TMEM117: variants seen among roughly 807,000 people sequenced by gnomAD.
TMEM117 encodes the protein transmembrane protein 117.
Under a neutral mutation model 52.4 loss-of-function variants are expected in TMEM117, and 27 were observed. That is an observed-to-expected ratio of 0.51 (90% CI 0.38 to 0.71). TMEM117 has a LOEUF of 0.71. Among genes scored for constraint, TMEM117 ranks in the 30% least tolerant of loss-of-function variants. The pLI, the probability that TMEM117 is intolerant of heterozygous loss-of-function variation, is 0.00. For missense variants in TMEM117, 556 were observed against 630.5 expected (o/e 0.88, Z 1.26); for synonymous variants, 215 against 206.3 (o/e 1.04, Z -0.36).
At chr12:44,049,019 A>G (rs1001152437) in intron 3 of TMEM117, among the ~76,000 whole-genome samples, 1 of 152,156 alleles carries the variant, frequency 6.6e-6, no homozygotes, top group Non-Finnish European at 1.5e-5. Context: ...TCCTAGTTTA[A>G]AAGGTGGTCA....
At chr12:44,086,401 G>A (rs1371423226) in intron 3 of TMEM117, among the ~76,000 whole-genome samples, 1 of 151,808 alleles carries the variant, frequency 6.6e-6, no homozygotes, top group East Asian at 1.9e-4. Context: ...TATTTTAGTA[G>A]AGATGGGGTT....
chr12:44,351,702 T>A (rs2138780750), intron 6 of TMEM117, among the ~76,000 whole-genome samples: 1 of 152,104 alleles, frequency 6.6e-6, no homozygotes, highest in South Asian at 2.1e-4. Context: ...GAAATCCGAT[T>A]TGAGTTGCAC....
chr12:43,934,704 G>A (rs992770402), intron 2 of TMEM117, among the ~76,000 whole-genome samples: 2 of 152,066 alleles, frequency 1.3e-5, no homozygotes, highest in South Asian at 2.1e-4. Flanking sequence ...CAAATTCAGT[G>A]AATAGCCGAC....
chr12:44,198,810 G>A (rs1203357654), intron 4 of TMEM117, among the ~76,000 whole-genome samples: 1 of 152,100 alleles, frequency 6.6e-6, no homozygotes, highest in African/African-American at 2.4e-5. Flanking sequence ...GGGCACCATA[G>A]TTTTCTTATC....
the TMEM117 span, among the ~76,000 whole-genome samples, chr12:43,813,678 A>G: frequency 1.3e-5 from 2 of 152,034 alleles, no homozygotes; most frequent in Admixed American, 1.3e-4. Flanking sequence ...CTACACTCTC[A>G]AAGAAGCTCA....
chr12:44,070,850 G>A (rs572061139), intron 3 of TMEM117, among the ~76,000 whole-genome samples: 1 of 152,270 alleles, frequency 6.6e-6, no homozygotes, highest in African/African-American at 2.4e-5. Flanking sequence ...TAGAGACTAT[G>A]ATTACTTTGT....
intron 3 of TMEM117, among the ~76,000 whole-genome samples, chr12:44,053,762 C>T (rs538036828): frequency 1.2e-4 from 18 of 152,226 alleles, no homozygotes; most frequent in African/African-American, 3.4e-4. Flanking sequence ...GCCAAGAACT[C>T]GGGACAAAGG....
At chr12:43,928,577 C>A (rs1439098261) in intron 2 of TMEM117, among the ~76,000 whole-genome samples, 1 of 151,832 alleles carries the variant, frequency 6.6e-6, no homozygotes, top group Non-Finnish European at 1.5e-5. Flanking sequence ...CTTTACCATG[C>A]TAGTTTTATT....
intron 4 of TMEM117, among the ~76,000 whole-genome samples, chr12:44,191,324 G>A: frequency 6.6e-6 from 1 of 152,022 alleles, no homozygotes; most frequent in East Asian, 1.9e-4. Context: ...TAAAATTTGG[G>A]TAGGGTCACA....
intron 5 of TMEM117, among the ~76,000 whole-genome samples, chr12:44,268,763 T>C (rs1950411078): frequency 6.6e-6 from 1 of 152,146 alleles, no homozygotes; most frequent in South Asian, 2.1e-4. Flanking sequence ...GTATGAGCAC[T>C]ATTTTATATT....
chr12:44,354,091 C>T (rs1223275140), intron 6 of TMEM117, among the ~76,000 whole-genome samples: 1 of 152,004 alleles, frequency 6.6e-6, no homozygotes, highest in Non-Finnish European at 1.5e-5. Flanking sequence ...TTATTTGGCT[C>T]TCTGTCTGTT....
At chr12:44,013,486 G>A (rs1361960596) in intron 3 of TMEM117, among the ~76,000 whole-genome samples, 1 of 152,144 alleles carries the variant, frequency 6.6e-6, no homozygotes, top group Non-Finnish European at 1.5e-5. Context: ...AATTCCAAGA[G>A]GTTAGGGTCT....
intron 6 of TMEM117, among the ~76,000 whole-genome samples, chr12:44,366,047 C>G (rs940424880): frequency 6.6e-6 from 1 of 151,868 alleles, no homozygotes; most frequent in Admixed American, 6.6e-5. Context: ...ATTTTATATT[C>G]TTTGAGAATA....
At chr12:44,371,221 G>A (rs1951859681) in intron 6 of TMEM117, among the ~76,000 whole-genome samples, 1 of 152,142 alleles carries the variant, frequency 6.6e-6, no homozygotes, top group Non-Finnish European at 1.5e-5. Context: ...ACAAGCTGGG[G>A]AAGTTTTTGG....
chr12:44,256,704 G>A (rs1198402618), intron 5 of TMEM117, among the ~76,000 whole-genome samples: 1 of 151,854 alleles, frequency 6.6e-6, no homozygotes, highest in African/African-American at 2.4e-5. Flanking sequence ...AAATAACATG[G>A]GCTTTCATCT....
chr12:43,907,071 A>T (rs1592351551), intron 2 of TMEM117, among the ~76,000 whole-genome samples: 1 of 152,216 alleles, frequency 6.6e-6, no homozygotes. Context: ...AGACAGCAGT[A>T]ACCTCTGCAG....
intron 3 of TMEM117, among the ~76,000 whole-genome samples, chr12:44,134,465 T>C (rs1207182456): frequency 6.6e-6 from 1 of 152,198 alleles, no homozygotes; most frequent in Non-Finnish European, 1.5e-5. Context: ...TATCACATTT[T>C]TTAACTGGAG....
chr12:44,181,990 G>A (rs1323861013), intron 4 of TMEM117, among the ~76,000 whole-genome samples: 1 of 152,088 alleles, frequency 6.6e-6, no homozygotes, highest in Non-Finnish European at 1.5e-5. Flanking sequence ...CCATGAGCAT[G>A]GAATGTTCTT....
intron 3 of TMEM117, among the ~76,000 whole-genome samples, chr12:44,031,956 C>G (rs1946639624): frequency 6.6e-6 from 1 of 152,222 alleles, no homozygotes; most frequent in African/African-American, 2.4e-5. Flanking sequence ...TGTCTCATAC[C>G]TTGTCTCCAC....
Sources: allele counts gnomAD v4.1 joint callset (sites outside exome capture counted in the v4.1 genomes callset), GRCh38; gene constraint gnomAD v4.1.1; transcripts MANE v1.5; gene names NCBI Gene and HGNC (gene_info 2026-07-23, HGNC 2026-07-21).